The following CAMK2A variants were observed in gnomAD, a reference collection of about 807,000 sequenced individuals.
The protein encoded by CAMK2A is calcium/calmodulin dependent protein kinase II alpha, also known as calcium/calmodulin-dependent protein kinase type II subunit alpha.
In CAMK2A, 7 loss-of-function variants were observed where a neutral mutation model predicts 79.2. That is an observed-to-expected ratio of 0.09 (90% CI 0.05 to 0.17). CAMK2A has a LOEUF of 0.17. Among genes scored for constraint, CAMK2A ranks in the 10% least tolerant of loss-of-function variants. CAMK2A has a pLI of 1.00. For missense variants in CAMK2A, 214 were observed against 646.4 expected, an observed-to-expected ratio of 0.33 and a Z score of 7.25; for synonymous variants, 242 against 251.7, an observed-to-expected ratio of 0.96 and a Z score of 0.36.
Position 150,234,296 on chromosome 5 carries a change from T to C in CAMK2A, c.1067-2916A>G, listed in dbSNP as rs180835105. The stretch of plus-strand genomic sequence containing the variant: ...CTGTTTCCTGAGGTCTGCTTCTCCC[T>C]GCCATCTCAGAGAGTCTAGCACAGT... On this transcript the variant is annotated intron_variant, in intron 15 of 18. Transcript: ENST00000671881. Among the ~76,000 whole-genome samples the C allele has an allele frequency of 2.0e-5, 3 of 152,328 alleles. 1 individual carries two copies. The East Asian group carries it at 5.8e-4, about 29-fold the overall frequency.
At chr5:150,225,725 G>A (rs4958467) in intron 17 of CAMK2A, among the ~76,000 whole-genome samples, 36,302 of 141,240 alleles carry the variant, frequency 0.26, 4,857 homozygotes, top group Non-Finnish European at 0.32. Flanking sequence ...CTCCTTGCAT[G>A]AGAATTCAAT....
chr5:150,265,723 C>G (rs937358948), intron 2 of CAMK2A, among the ~76,000 whole-genome samples: 4 of 152,236 alleles, frequency 2.6e-5, no homozygotes, highest in Admixed American at 2.0e-4. Context: ...AAGTGGATCA[C>G]TTGAGCTCAG....
In CAMK2A at chr5:150,289,702, A is replaced by C. The variant is rs149774361; in HGVS notation, c.-77T>G. ...GCGCTGCTGCTCTGCTCCCGAACCT[A>C]GGGACCACTTGCCTGCCCGTGCTGC... On this transcript the variant is annotated 5_prime_UTR_variant, in exon 1 of 19. Coordinates refer to ENST00000671881, the MANE Select transcript of CAMK2A (RefSeq NM_015981.4). 5 of 1,204,774 alleles carry C rather than the reference A, an allele frequency of 4.2e-6. No individual in the cohort carries two copies. In the African/African-American group the frequency reaches 6.0e-5, roughly 14 times the overall value. The allele number at this position is 1,204,774 out of a possible 1,614,324, so 74.6% of individuals were successfully genotyped here.
At position 150,253,114 on chromosome 5, in the gene CAMK2A, G is replaced by A. The variant is rs118169308; in HGVS notation, c.514+330C>T. 2.1e-3 allele frequency among the ~76,000 whole-genome samples: 319 copies of A among 152,300 alleles called. 7 individuals are homozygous for A. In the East Asian group the frequency reaches 0.049, roughly 23 times the overall value. On this transcript the variant is annotated intron_variant, in intron 7 of 18. Transcript: ENST00000671881. ...TAATCTCAAGCACCTAGACTATTAG[G>A]GCAGCTCTGTGGAAACTTCCCTAAG...
chr5:150,283,061 G>T (rs1020230527), intron 1 of CAMK2A, among the ~76,000 whole-genome samples: 4 of 152,212 alleles, frequency 2.6e-5, no homozygotes, highest in Non-Finnish European at 4.4e-5. Flanking sequence ...GTCCCCAAGG[G>T]ATCTCTTCTG....
At chr5:150,231,199 A>G in intron 16 of CAMK2A, 106 bp downstream of exon 16, 1 of 546,312 alleles carries the variant, frequency 1.8e-6, no homozygotes, top group Non-Finnish European at 3.3e-6. Context: ...CAGCACATGC[A>G]AAGTGAGTGG....
Position 150,265,032 on chromosome 5 carries a change from C to G in CAMK2A, c.158-17G>C. The G allele has an allele frequency of 6.2e-7, 1 of 1,600,658 alleles. No individual in the cohort carries two copies. Among genetic ancestry groups the G allele is most frequent in the Non-Finnish European group, 8.6e-7 (1 of 1,167,798 alleles). ...TCTGATGGTCTGAAACACAGAGGCT[C>G]ATGTGAGTCCCCGGTGAGGAAGGAA... On this transcript the variant is annotated splice_polypyrimidine_tract_variant and intron_variant, in intron 2 of 18. Coordinates refer to ENST00000671881, the MANE Select transcript of CAMK2A (RefSeq NM_015981.4).
intron 2 of CAMK2A, 34 bp from the exon 3 acceptor site, chr5:150,265,049 A>C: frequency 6.6e-7 from 1 of 1,526,480 alleles, no homozygotes; most frequent in African/African-American, 1.4e-5. Flanking sequence ...GTCCCCGGTG[A>C]GGAAGGAACC....
At chr5:150,271,855 T>A (rs1244510440) in intron 2 of CAMK2A, among the ~76,000 whole-genome samples, 1 of 152,208 alleles carries the variant, frequency 6.6e-6, no homozygotes, top group African/African-American at 2.4e-5. Context: ...GGTGTCTTGT[T>A]AAAATGCAGA....
intron 14 of CAMK2A, 84 bp from the exon 15 acceptor site, chr5:150,238,832 G>T: frequency 8.2e-7 from 1 of 1,217,088 alleles, no homozygotes; most frequent in South Asian, 1.6e-5. Context: ...TGGTGACGCG[G>T]CTGGTTTCTG....
rs1754200299 is a variant in CAMK2A at position 150,219,651 on chromosome 5, A to AG, written c.*3058dup. 1 of 147,108 alleles carries AG rather than the reference A, an allele frequency of 6.8e-6. No homozygotes were observed. The highest frequency in any genetic ancestry group is 1.5e-5 in the Non-Finnish European group (1 of 66,624). The allele number at this position is 147,108 out of a possible 1,614,324, so 9.1% of individuals were successfully genotyped here. A position where few individuals can be genotyped will look rare whatever the true frequency, so the allele number is the denominator to read the frequency against. ...TTTAAAAAAGAAAAGAAAAAAAAAA[A>AG]GAACTAAAACAAAACCCCAAACAAA... On this transcript the variant is annotated 3_prime_UTR_variant, in exon 19 of 19. Transcript: ENST00000671881.
intron 14 of CAMK2A, among the ~76,000 whole-genome samples, 156 bp downstream of exon 14, chr5:150,239,548 A>G (rs1755247202): frequency 6.6e-6 from 1 of 152,130 alleles, no homozygotes; most frequent in South Asian, 2.1e-4. Flanking sequence ...CAACACACAC[A>G]CACAACACAC....
intron 6 of CAMK2A, among the ~76,000 whole-genome samples, chr5:150,253,953 C>T (rs1282587487): frequency 6.6e-6 from 1 of 152,202 alleles, no homozygotes; most frequent in Non-Finnish European, 1.5e-5. Context: ...ATCAACGACC[C>T]TTTCGGGTAG....
intron 1 of CAMK2A, among the ~76,000 whole-genome samples, chr5:150,286,376 C>T (rs1026667919): frequency 4.6e-5 from 7 of 152,200 alleles, no homozygotes; most frequent in African/African-American, 1.2e-4. Context: ...GGCTGCCCAC[C>T]AGGGCTGGAG....
chr5:150,236,151 T>A (rs935832866), intron 15 of CAMK2A, among the ~76,000 whole-genome samples: 17 of 152,188 alleles, frequency 1.1e-4, no homozygotes, highest in African/African-American at 4.1e-4. Flanking sequence ...CAGAGGATAA[T>A]GACGGCAAAT....
chr5:150,280,481 CCTT>C (rs1199466691), intron 1 of CAMK2A, among the ~76,000 whole-genome samples: 9 of 152,262 alleles, frequency 5.9e-5, no homozygotes, highest in African/African-American at 9.6e-5. Flanking sequence ...TTCCTTCCTC[CCTT>C]CTTCTTTGCT....
chr5:150,257,331 C>T (rs75098431), intron 4 of CAMK2A, among the ~76,000 whole-genome samples: 4,407 of 152,218 alleles, frequency 0.029, 222 homozygotes, highest in African/African-American at 0.1. Flanking sequence ...AATGGAAAAC[C>T]AGCATCACTG....
intron 1 of CAMK2A, among the ~76,000 whole-genome samples, chr5:150,285,240 C>T (rs771557267): frequency 2.0e-5 from 3 of 152,220 alleles, no homozygotes; most frequent in Non-Finnish European, 4.4e-5. Context: ...GTCTCTCCAC[C>T]TCCTCAAGCT....
chr5:150,244,038 C>T (rs1755457885), intron 13 of CAMK2A, among the ~76,000 whole-genome samples: 3 of 152,174 alleles, frequency 2.0e-5, no homozygotes, highest in Non-Finnish European at 2.9e-5. Flanking sequence ...GGACTAATAA[C>T]CAAATAATTA....
Sources: gnomAD v4.1 joint callset for allele counts (sites outside exome capture counted in the v4.1 genomes callset) on GRCh38, gnomAD v4.1.1 for gene constraint, MANE v1.5 for transcripts, NCBI Gene and HGNC (gene_info 2026-07-23, HGNC 2026-07-21) for gene names.